ZMYM4: variants seen among roughly 807,000 people sequenced by gnomAD.
The protein encoded by ZMYM4 is zinc finger MYM-type containing 4.
A neutral mutation model predicts 183.2 loss-of-function variants in ZMYM4; 31 were observed. The ratio of observed to expected loss-of-function variants is 0.17; its 90% CI spans 0.13 to 0.23. The LOEUF is 0.23. ZMYM4 is among the 10% of genes least tolerant of loss of function. The pLI, the probability that ZMYM4 is intolerant of heterozygous loss-of-function variation, is 1.00. For missense variants in ZMYM4, 1,273 were observed against 1,840.3 expected (o/e 0.69, Z 5.64); for synonymous variants, 592 against 631.2 (o/e 0.94, Z 0.93).
At chr1:35,370,713 T>A (rs552298617) in intron 7 of ZMYM4, 86 bp downstream of exon 7, 22 of 1,126,508 alleles carry the variant, frequency 2.0e-5, no homozygotes, top group Non-Finnish European at 2.4e-5. Flanking sequence ...ACATTTGATA[T>A]TCTACATTTA....
chr1:35,381,586 T>A lies in ZMYM4; in HGVS notation c.1397T>A (p.Leu466His). 6.2e-7 allele frequency: 1 copy of A among 1,614,232 alleles called. No homozygotes were observed. The highest frequency in any genetic ancestry group is 8.5e-7 in the Non-Finnish European group (1 of 1,180,038). Residue 466 changes from leucine (L) to histidine (H), a missense_variant, in exon 9 of 30, where the codon CTT (leucine) becomes CAT (histidine). By Grantham distance (99) the Leu-to-His change is moderately conservative. Transcript: ENST00000314607. ...AATTACCAGAATGTGGTCCATAAAC[T>A]TTGCAGTGATGCCTGCTTCTCTAAG... ...EVNYQNVVHK[L>H]CSDACFSKFR...
intron 1 of ZMYM4, among the ~76,000 whole-genome samples, chr1:35,282,737 A>G (rs937026203): frequency 2.0e-5 from 3 of 151,908 alleles, no homozygotes; most frequent in African/African-American, 7.2e-5. Context: ...AGTTTTTCTT[A>G]TAGAGATGGG....
chr1:35,379,233 T>A (rs1292110043), intron 7 of ZMYM4, among the ~76,000 whole-genome samples: 2 of 152,164 alleles, frequency 1.3e-5, no homozygotes, highest in African/African-American at 4.8e-5. Context: ...CCCAAGTAGC[T>A]CAGACTACAG....
At chr1:35,330,567 G>C (rs776370548) in intron 2 of ZMYM4, among the ~76,000 whole-genome samples, 12 of 152,146 alleles carry the variant, frequency 7.9e-5, no homozygotes, top group Non-Finnish European at 1.3e-4. Flanking sequence ...TTCAAAGAAA[G>C]CTGGGAATAG....
At chr1:35,339,090 C>G (rs1044410998) in intron 2 of ZMYM4, among the ~76,000 whole-genome samples, 1 of 152,160 alleles carries the variant, frequency 6.6e-6, no homozygotes, top group African/African-American at 2.4e-5. Context: ...GGTTCTGCAT[C>G]TGCAGATTCA....
chr1:35,399,605 T>TAG, intron 23 of ZMYM4, 29 bp downstream of exon 23: 1 of 1,610,566 alleles, frequency 6.2e-7, no homozygotes, highest in Non-Finnish European at 8.5e-7. Context: ...TTTCTAGACT[T>TAG]TTCTTTCCTT....
chr1:35,364,961 C>T (rs1351350459), intron 5 of ZMYM4, among the ~76,000 whole-genome samples: 1 of 152,156 alleles, frequency 6.6e-6, no homozygotes, highest in African/African-American at 2.4e-5. Flanking sequence ...CATTGTCCGT[C>T]CTCCTGCCTC....
At chr1:35,316,743 A>G (rs1192883299) in intron 1 of ZMYM4, among the ~76,000 whole-genome samples, 1 of 152,250 alleles carries the variant, frequency 6.6e-6, no homozygotes, top group Non-Finnish European at 1.5e-5. Context: ...GAACTGAAAA[A>G]TTAGATGTGA....
At chr1:35,408,295 A>G in intron 26 of ZMYM4, 136 bp downstream of exon 26, 1 of 1,084,086 alleles carries the variant, frequency 9.2e-7, no homozygotes, top group South Asian at 1.6e-5. Context: ...TTAACAACAA[A>G]TTGGAAACCG....
In ZMYM4 at chr1:35,370,101, G is replaced by T. The variant is rs760833065; in HGVS notation, c.913G>T (p.Gly305Cys). 6.2e-7 allele frequency: 1 copy of T among 1,613,210 alleles called. No individual in the cohort carries two copies. The highest frequency in any genetic ancestry group is 1.1e-5 in the South Asian group (1 of 91,014). ...LKISAVFSVS[G>C]SPLAPQLTTG... ...AATTAGTGCTGTGTTTTCAGTCAGT[G>T]GCAGCCCTCTTGGTAAGAAACAGAC... The change falls in exon 6 of 30, where the codon GGC (glycine) becomes TGC (cysteine). Residue 305 changes from glycine (G) to cysteine (C), a missense_variant. Gly to Cys is a radical substitution (Grantham distance 159, BLOSUM62 -3). Transcript: ENST00000314607.
intron 1 of ZMYM4, among the ~76,000 whole-genome samples, chr1:35,299,654 A>G (rs1461517234): frequency 2.0e-5 from 3 of 152,246 alleles, no homozygotes; most frequent in Admixed American, 6.5e-5. Context: ...AGACTTAGCC[A>G]GGAATCAGTC....
At chr1:35,304,977 G>C (rs497671) in intron 1 of ZMYM4, among the ~76,000 whole-genome samples, 150,576 of 152,256 alleles carry the variant, frequency 0.99, 74,481 homozygotes, top group Non-Finnish European at 1. Context: ...TCCTAAGTAG[G>C]TGGTATTACA....
At chr1:35,300,349 A>C (rs1641225593) in intron 1 of ZMYM4, among the ~76,000 whole-genome samples, 1 of 152,110 alleles carries the variant, frequency 6.6e-6, no homozygotes, top group Non-Finnish European at 1.5e-5. Flanking sequence ...CCCCAGCTGC[A>C]TTTAAGAATT....
intron 15 of ZMYM4, among the ~76,000 whole-genome samples, chr1:35,391,870 G>A (rs182815482): frequency 1.4e-4 from 21 of 151,194 alleles, no homozygotes; most frequent in Admixed American, 3.9e-4. Flanking sequence ...GTGAAACCCC[G>A]TCTCTACTAA....
chr1:35,339,581 A>G (rs1643121387), intron 2 of ZMYM4, among the ~76,000 whole-genome samples: 1 of 152,236 alleles, frequency 6.6e-6, no homozygotes, highest in Admixed American at 6.5e-5. Context: ...GAAGATGTGT[A>G]TAGATTATGT....
chr1:35,338,043 A>C (rs1449850441), intron 2 of ZMYM4, among the ~76,000 whole-genome samples: 3 of 152,228 alleles, frequency 2.0e-5, no homozygotes, highest in Admixed American at 2.0e-4. Flanking sequence ...GTAATTTTTC[A>C]TGTGTCAGGG....
chr1:35,399,756 A>C (rs1265358794), intron 23 of ZMYM4, among the ~76,000 whole-genome samples, 180 bp downstream of exon 23: 1 of 151,752 alleles, frequency 6.6e-6, no homozygotes, highest in Admixed American at 6.6e-5. Flanking sequence ...TTCAGTAGGA[A>C]CTTTTTTTGT....
At chr1:35,271,451 A>G (rs888793784) in intron 1 of ZMYM4, among the ~76,000 whole-genome samples, 10 of 151,984 alleles carry the variant, frequency 6.6e-5, no homozygotes, top group Non-Finnish European at 5.9e-5. Flanking sequence ...TGCCCAGGCT[A>G]GAGTGCGGTG....
chr1:35,279,542 C>T (rs1557896517), intron 1 of ZMYM4, among the ~76,000 whole-genome samples: 1 of 152,206 alleles, frequency 6.6e-6, no homozygotes, highest in Non-Finnish European at 1.5e-5. Context: ...CTAATTTCCG[C>T]ATCCTTTGTA....
Sources: gnomAD v4.1 joint callset for allele counts (sites outside exome capture counted in the v4.1 genomes callset) on GRCh38, gnomAD v4.1.1 for gene constraint, MANE v1.5 for transcripts, NCBI Gene and HGNC (gene_info 2026-07-23, HGNC 2026-07-21) for gene names.